The following SMARCA4 variants were observed in gnomAD, a reference collection of about 807,000 sequenced individuals.
SMARCA4 encodes SWI/SNF-related matrix-associated actin-dependent regulator of chromatin subfamily A member 4.
SMARCA4 carries 31 observed loss-of-function variants against 193.9 expected under a neutral mutation model. The observed-to-expected ratio is 0.16, with a 90% CI of 0.12 to 0.22. The LOEUF is 0.22. Ranked by LOEUF, SMARCA4 falls within the 10% of genes least tolerant of loss-of-function variation. SMARCA4 has a pLI of 1.00. For synonymous variants in SMARCA4, 942 were observed against 933.1 expected, an observed-to-expected ratio of 1.01 and a Z score of -0.17; for missense variants, 1,148 against 2,296.0, an observed-to-expected ratio of 0.50 and a Z score of 10.22.
At chr19:11,018,380 C>A in intron 16 of SMARCA4, 1 of 226,432 alleles carries the variant, frequency 4.4e-6, no homozygotes, top group Non-Finnish European at 8.9e-6. Context: ...TGTCCTCCCT[C>A]ATTCCAGCCC....
chr19:10,980,802 A>C (rs1375871958), intron 1 of SMARCA4: 1 of 152,120 alleles, frequency 6.6e-6, no homozygotes, highest in Non-Finnish European at 1.5e-5. Flanking sequence ...CCCAGGCTAG[A>C]GTGCAGTGGT....
intron 8 of SMARCA4, among the ~76,000 whole-genome samples, chr19:10,993,361 G>T (rs1000282548): frequency 1.3e-5 from 2 of 152,180 alleles, no homozygotes; most frequent in East Asian, 1.9e-4. Context: ...ATGTGTCCAG[G>T]ATCTAATCAT....
Position 11,061,874 on chromosome 19 carries a change from G to A in SMARCA4, c.*58G>A. On this transcript the variant is annotated 3_prime_UTR_variant, in exon 35 of 35. Transcript: ENST00000344626. Reference sequence around the variant, plus strand: ...TCGTTCCAGAGCTGAGATGGCATAGGCCTTAGCAGTAACGGGTAGCAGCAG... The same window carrying A: ...TCGTTCCAGAGCTGAGATGGCATAGACCTTAGCAGTAACGGGTAGCAGCAG... 2 of 1,484,836 alleles carry A rather than the reference G, an allele frequency of 1.3e-6. No homozygotes were observed. The highest frequency in any genetic ancestry group is 1.9e-6 in the Non-Finnish European group (2 of 1,062,286). 92.0% of individuals were successfully genotyped at this position (1,484,836 alleles called of 1,614,324 possible).
intron 1 of SMARCA4, among the ~76,000 whole-genome samples, chr19:10,974,690 T>TATATATATATATA (rs1491522292): frequency 1.6e-4 from 3 of 18,576 alleles, no homozygotes; most frequent in African/African-American, 5.0e-4. Context: ...TATATATATA[T>TATATATATATATA]TTTTTTTTTT....
rs2090345105 is a variant in SMARCA4 at position 11,027,467 on chromosome 19, A to T, written c.3216-317A>T. On this transcript the variant is annotated intron_variant, in intron 23 of 34. Transcript: ENST00000344626. ...GGGACAAGGTCTGGCTTCCCGGAGC[A>T]TCCCTGTTCCAGCCCCGTGTTGTGC... is the stretch of plus-strand genomic sequence containing the variant. 2.0e-5 allele frequency among the ~76,000 whole-genome samples: 3 copies of T among 152,190 alleles called. No homozygotes were observed. In the South Asian group the frequency reaches 6.2e-4, roughly 32 times the overall value.
intron 29 of SMARCA4, among the ~76,000 whole-genome samples, chr19:11,038,950 G>T (rs2075417146): frequency 6.6e-6 from 1 of 152,178 alleles, no homozygotes; most frequent in Non-Finnish European, 1.5e-5. Flanking sequence ...GTCAGACCTG[G>T]CAGCTTGTGC....
chr19:10,975,353 C>T (rs1460671397), intron 1 of SMARCA4, among the ~76,000 whole-genome samples: 6 of 134,110 alleles, frequency 4.5e-5, no homozygotes. Context: ...TTCTCTGTTG[C>T]CAGGCTGGAG....
In SMARCA4 at chr19:11,058,260, G is replaced by A. The variant is rs770592452; in HGVS notation, c.4430G>A (p.Ser1477Asn). ...CCGCCGGTTCTGCCTTGCAGCAGCA[G>A]TGGACGTCAGCTCAGCGAGGTCTTC... is the stretch of plus-strand genomic sequence containing the variant. Reference protein sequence around the residue: ...DAVIKYKDSSSGRQLSEVFIQ... With the variant: ...DAVIKYKDSSNGRQLSEVFIQ... The change falls in exon 31 of 35, where the codon AGT becomes AAT. Residue 1477 changes from serine (S) to asparagine (N), a missense_variant. Coordinates refer to ENST00000344626, the MANE Select transcript of SMARCA4 (RefSeq NM_003072.5). The surrounding 1 kb of genome is among the most constrained non-coding windows in gnomAD (Gnocchi z 5.8). The A allele has an allele frequency of 6.2e-7, 1 of 1,611,778 alleles. No homozygotes were observed. The highest frequency in any genetic ancestry group is 8.5e-7 in the Non-Finnish European group (1 of 1,179,386).
chr19:10,996,108 G>T, intron 9 of SMARCA4, 105 bp from the exon 10 acceptor site: 1 of 1,131,602 alleles, frequency 8.8e-7, no homozygotes, highest in Non-Finnish European at 1.3e-6. Context: ...CGGCACCCGC[G>T]TGAGCTACGC....
intron 19 of SMARCA4, among the ~76,000 whole-genome samples, chr19:11,022,893 G>A (rs1439474935): frequency 6.6e-6 from 1 of 152,250 alleles, no homozygotes; most frequent in Non-Finnish European, 1.5e-5. Context: ...TTTCTGAGCC[G>A]AGCAAAAGCT....
chr19:11,029,840 A>T (rs2090519941), intron 24 of SMARCA4, among the ~76,000 whole-genome samples: 1 of 151,624 alleles, frequency 6.6e-6, no homozygotes. Flanking sequence ...CGCCCAGCTA[A>T]TTTTCTTGTA....
At position 10,986,572 on chromosome 19, in the gene SMARCA4, C is replaced by G. The variant is rs753131047; in HGVS notation, c.739C>G (p.Pro247Ala). 1 of 1,536,928 alleles carries G rather than the reference C, an allele frequency of 6.5e-7. No individual in the cohort carries two copies. Among genetic ancestry groups the G allele is most frequent in the East Asian group, 2.4e-5 (1 of 40,908 alleles). ...GPGPGPGPAP[P>A]NYSRPHGMGG... Reference sequence around the variant, plus strand: ...CGGCCCGGGTCCCGGCCCGGCACCTCCAAATTACAGCAGGCCTCATGGTAA... The same window carrying G: ...CGGCCCGGGTCCCGGCCCGGCACCTGCAAATTACAGCAGGCCTCATGGTAA... The change falls in exon 4 of 35, where the codon CCA (proline) becomes GCA (alanine). Residue 247 changes from proline (P) to alanine (A), a missense_variant. By Grantham distance (27) the Pro-to-Ala change is conservative. Around this residue, in one of 17 missense-constraint regions of SMARCA4, gnomAD observed 257 missense variants for 276.5 expected, o/e 0.93. Coordinates refer to ENST00000344626, the MANE Select transcript of SMARCA4 (RefSeq NM_003072.5). The surrounding 1 kb of genome is among the most constrained non-coding windows in gnomAD (Gnocchi z 6.7).
intron 29 of SMARCA4, among the ~76,000 whole-genome samples, chr19:11,038,918 G>T (rs1369570428): frequency 6.6e-6 from 1 of 152,138 alleles, no homozygotes; most frequent in Admixed American, 6.5e-5. Flanking sequence ...ATTTAAAATA[G>T]CAACAACAAT....
intron 8 of SMARCA4, among the ~76,000 whole-genome samples, chr19:10,994,565 G>A (rs967139503): frequency 6.6e-6 from 1 of 151,324 alleles, no homozygotes; most frequent in Non-Finnish European, 1.5e-5. Context: ...TGATCCGCCC[G>A]CCTCAGCCTC....
chr19:11,015,242 A>C (rs2089244871), intron 16 of SMARCA4, among the ~76,000 whole-genome samples: 1 of 152,240 alleles, frequency 6.6e-6, no homozygotes, highest in Admixed American at 6.5e-5. Flanking sequence ...CGTAGGACTA[A>C]TAGCAAACCA....
At position 10,991,018 on chromosome 19, in the gene SMARCA4, A is replaced by G; in HGVS notation, c.1246-132A>G. On this transcript the variant is annotated intron_variant, in intron 7 of 34. Coordinates refer to ENST00000344626, the MANE Select transcript of SMARCA4 (RefSeq NM_003072.5). ...GGCACCTGCTAGACGTCCCCTGCACACACGGACTGGGTGTGTAAGGCACTT... is the reference window on the plus strand; with the variant it reads ...GGCACCTGCTAGACGTCCCCTGCACGCACGGACTGGGTGTGTAAGGCACTT... 4 of 1,453,836 alleles carry G rather than the reference A, an allele frequency of 2.8e-6. No homozygotes were observed. In the South Asian group the frequency reaches 5.0e-5, roughly 18 times the overall value. The allele number at this position is 1,453,836 out of a possible 1,614,324, so 90.1% of individuals were successfully genotyped here.
At chr19:10,968,554 C>T (rs2084421234) in intron 1 of SMARCA4, among the ~76,000 whole-genome samples, 2 of 151,778 alleles carry the variant, frequency 1.3e-5, no homozygotes, top group South Asian at 4.2e-4. Context: ...CGCTGTGTTA[C>T]TTAGGCTGGT....
At chr19:11,025,272 C>T (rs953143329) in intron 21 of SMARCA4, 150 bp from the exon 22 acceptor site, 9 of 668,072 alleles carry the variant, frequency 1.3e-5, no homozygotes, top group African/African-American at 1.2e-4. Context: ...TCCAGCCTGC[C>T]ATCTCCTCAC....
chr19:11,034,638 C>T lies in SMARCA4; in HGVS notation c.3952-276C>T, dbSNP rs1224893817. On this transcript the variant is annotated intron_variant, in intron 28 of 34. Transcript: ENST00000344626. This position sits in a 1 kb window ranked among gnomAD's most constrained non-coding sequence, Gnocchi z 7.0. Reference sequence around the variant, plus strand: ...TCATGCCTCCACCAACGCTGGGCCACGCAGCTGCTGCCCCCCTGCTGGGGT... The same window carrying T: ...TCATGCCTCCACCAACGCTGGGCCATGCAGCTGCTGCCCCCCTGCTGGGGT... 6.6e-6 allele frequency among the ~76,000 whole-genome samples: 1 copy of T among 152,160 alleles called. No homozygotes were observed. Among genetic ancestry groups the T allele is most frequent in the Non-Finnish European group, 1.5e-5 (1 of 68,014 alleles).
Sources: gnomAD v4.1 joint callset for allele counts (sites outside exome capture counted in the v4.1 genomes callset) on GRCh38, gnomAD v4.1.1 for gene constraint, gnomAD v4.1.1 regional missense constraint, Gnocchi (gnomAD v3.1) non-coding constraint, MANE v1.5 for transcripts, NCBI Gene and HGNC (gene_info 2026-07-23, HGNC 2026-07-21) for gene names.